NDRG3: variants seen among roughly 807,000 people sequenced by gnomAD.
The protein encoded by NDRG3 is protein NDRG3.
Under a neutral mutation model 57.2 loss-of-function variants are expected in NDRG3, and 23 were observed. The observed-to-expected ratio is 0.40, with a 90% CI of 0.29 to 0.57. NDRG3 has a LOEUF of 0.57. Among genes scored for constraint, NDRG3 ranks in the 20% least tolerant of loss-of-function variants. The pLI is 0.42. For synonymous variants in NDRG3, 132 were observed against 162.6 expected, an observed-to-expected ratio of 0.81 and a Z score of 1.43; for missense variants, 384 against 457.3, an observed-to-expected ratio of 0.84 and a Z score of 1.46.
Position 36,689,879 on chromosome 20 carries a change from C to A in NDRG3, c.94-1095G>T, listed in dbSNP as rs981726412. ...GGGACTACAGGCACCTGCCACCACGCCCAGCTAATTTTTTGTATTTTTAGT... is the reference window on the plus strand; with the variant it reads ...GGGACTACAGGCACCTGCCACCACGACCAGCTAATTTTTTGTATTTTTAGT... On this transcript the variant is annotated intron_variant, in intron 3 of 15. Coordinates refer to ENST00000349004, the MANE Select transcript of NDRG3 (RefSeq NM_032013.4). Among the ~76,000 whole-genome samples the A allele has an allele frequency of 3.3e-5, 5 of 152,018 alleles. No homozygotes were observed. The East Asian group carries it at 9.7e-4, about 29-fold the overall frequency.
chr20:36,681,121 T>C (rs944754328), intron 7 of NDRG3, among the ~76,000 whole-genome samples: 3 of 152,234 alleles, frequency 2.0e-5, no homozygotes, highest in African/African-American at 2.4e-5. Flanking sequence ...CTTATTTTAC[T>C]ATCAAATTAT....
chr20:36,691,384 T>C (rs1982253092), intron 3 of NDRG3, among the ~76,000 whole-genome samples: 2 of 152,210 alleles, frequency 1.3e-5, no homozygotes, highest in Admixed American at 1.3e-4. Flanking sequence ...ACATAAGAAA[T>C]GAAGACTAGA....
chr20:36,723,953 C>T (rs568973319), intron 1 of NDRG3, among the ~76,000 whole-genome samples: 1 of 152,246 alleles, frequency 6.6e-6, no homozygotes, highest in Admixed American at 6.5e-5. Context: ...GTGATCCACA[C>T]ACCTCAGCCT....
intron 9 of NDRG3, among the ~76,000 whole-genome samples, chr20:36,670,581 A>T (rs1276422051): frequency 6.6e-6 from 1 of 152,210 alleles, no homozygotes; most frequent in Admixed American, 6.5e-5. Context: ...TCTTAAAATC[A>T]GACTAATAGA....
intron 1 of NDRG3, among the ~76,000 whole-genome samples, chr20:36,723,060 G>A (rs1220359387): frequency 1.3e-5 from 2 of 152,124 alleles, no homozygotes; most frequent in Non-Finnish European, 1.5e-5. Context: ...TCCAGCCCCA[G>A]TCAAGAGTTC....
chr20:36,707,668 T>G (rs938174632), intron 2 of NDRG3, among the ~76,000 whole-genome samples: 1 of 152,004 alleles, frequency 6.6e-6, no homozygotes, highest in Admixed American at 6.6e-5. Context: ...GATGGAGAAT[T>G]CACCAAGCTT....
intron 12 of NDRG3, among the ~76,000 whole-genome samples, chr20:36,662,224 C>CTTT (rs1568623689): frequency 6.7e-6 from 1 of 149,248 alleles, no homozygotes; most frequent in African/African-American, 2.5e-5. Flanking sequence ...ACTGTTTTTT[C>CTTT]TTTTTCTTTT....
chr20:36,670,209 A>G (rs1179865594), intron 9 of NDRG3, among the ~76,000 whole-genome samples: 1 of 152,118 alleles, frequency 6.6e-6, no homozygotes, highest in Non-Finnish European at 1.5e-5. Context: ...GTTACATGAA[A>G]CTATATACAT....
At chr20:36,699,605 A>C (rs1161292023) in intron 3 of NDRG3, among the ~76,000 whole-genome samples, 1 of 152,106 alleles carries the variant, frequency 6.6e-6, no homozygotes, top group Non-Finnish European at 1.5e-5. Flanking sequence ...TGAGGGAAAC[A>C]CCAGTTTATA....
At chr20:36,744,393 G>A (rs556098600) in intron 1 of NDRG3, among the ~76,000 whole-genome samples, 2 of 144,104 alleles carry the variant, frequency 1.4e-5, no homozygotes, top group African/African-American at 5.9e-5. Context: ...GTAATGAAAA[G>A]GGGGGGTGGA....
At chr20:36,654,001 G>C (rs939522074) in intron 15 of NDRG3, among the ~76,000 whole-genome samples, 3 of 152,214 alleles carry the variant, frequency 2.0e-5, no homozygotes, top group Admixed American at 1.3e-4. Context: ...GACAGTGACA[G>C]AATGGAGGCT....
intron 13 of NDRG3, among the ~76,000 whole-genome samples, chr20:36,657,888 A>G (rs1175734874): frequency 1.3e-5 from 2 of 152,204 alleles, no homozygotes; most frequent in Non-Finnish European, 2.9e-5. Context: ...ACCTGATTAG[A>G]ACACAGAACA....
At chr20:36,676,426 T>C (rs1047457889) in intron 8 of NDRG3, among the ~76,000 whole-genome samples, 3 of 152,178 alleles carry the variant, frequency 2.0e-5, no homozygotes, top group Admixed American at 6.5e-5. Context: ...TTCAAAACTT[T>C]TTCTAACCTA....
chr20:36,739,139 A>T (rs1600980076), intron 1 of NDRG3, among the ~76,000 whole-genome samples: 2 of 125,156 alleles, frequency 1.6e-5, no homozygotes, highest in African/African-American at 7.1e-5. Flanking sequence ...CATCTCAAAA[A>T]AAAAAAAAAA....
chr20:36,746,076 A>G lies in NDRG3; in HGVS notation c.-80T>C, dbSNP rs568287557. 6 of 291,654 alleles carry G rather than the reference A, an allele frequency of 2.1e-5. No homozygotes were observed. In the Admixed American group the frequency reaches 3.1e-4, roughly 15 times the overall value. The allele number at this position is 291,654 out of a possible 1,614,324, so 18.1% of individuals were successfully genotyped here. On this transcript the variant is annotated 5_prime_UTR_variant, in exon 1 of 16. Transcript: ENST00000349004. ...CGCGGGCACCCGCCGTCAGTGCAGC[A>G]GCAGCGGCGGCGGCGGCGGCGGCGG...
chr20:36,737,085 C>T (rs1027458328), intron 1 of NDRG3, among the ~76,000 whole-genome samples: 2 of 152,166 alleles, frequency 1.3e-5, no homozygotes, highest in Non-Finnish European at 1.5e-5. Context: ...GACTGCCAAG[C>T]TGGAAATCTG....
intron 6 of NDRG3, 34 bp from the exon 7 acceptor site, chr20:36,682,612 C>A: frequency 1.3e-6 from 2 of 1,585,630 alleles, no homozygotes; most frequent in South Asian, 1.1e-5. Flanking sequence ...CTGACAGAGT[C>A]AACTTCATTT....
intron 1 of NDRG3, among the ~76,000 whole-genome samples, chr20:36,725,846 C>G (rs926479050): frequency 2.0e-5 from 3 of 151,710 alleles, no homozygotes; most frequent in African/African-American, 7.3e-5. Context: ...TATGACTCCA[C>G]ATGGGTGGGC....
intron 1 of NDRG3, among the ~76,000 whole-genome samples, chr20:36,741,826 A>G (rs1985942163): frequency 6.6e-6 from 1 of 152,194 alleles, no homozygotes; most frequent in Non-Finnish European, 1.5e-5. Context: ...GAACTAATGA[A>G]TCAGAAACTC....
Sources: allele counts gnomAD v4.1 joint callset (sites outside exome capture counted in the v4.1 genomes callset), GRCh38; gene constraint gnomAD v4.1.1; transcripts MANE v1.5; gene names NCBI Gene and HGNC (gene_info 2026-07-23, HGNC 2026-07-21).